The following IQSEC1 variants were observed in gnomAD, a reference collection of about 807,000 sequenced individuals.
The protein encoded by IQSEC1 is IQ motif and Sec7 domain ArfGEF 1.
IQSEC1 carries 31 observed loss-of-function variants against 91.0 expected under a neutral mutation model. The observed-to-expected ratio is 0.34, with a 90% CI of 0.26 to 0.46. The LOEUF is 0.46. Ranked by LOEUF, IQSEC1 falls within the 20% of genes least tolerant of loss-of-function variation. The pLI is 1.00. For synonymous variants in IQSEC1, 699 were observed against 662.6 expected (o/e 1.05, Z -0.84); for missense variants, 1,388 against 1,575.6 (o/e 0.88, Z 2.02).
In IQSEC1 at chr3:13,144,257, C is replaced by G. The variant is rs78293122; in HGVS notation, c.302+19847G>C. ...AGGGAACTAGACCACGGCCGGCGAG[C>G]ATGCAGCTGGACTGCACGCCCGGGC... On this transcript the variant is annotated intron_variant, in intron 2 of 15. Transcript: ENST00000648114. Among the ~76,000 whole-genome samples, 183 of 152,306 alleles carry G rather than the reference C, an allele frequency of 1.2e-3. 4 individuals carry two copies. The East Asian group carries it at 0.032, about 27-fold the overall frequency.
Position 12,924,503 on chromosome 3 carries a change from T to C in IQSEC1, c.1730+78A>G. 1 of 1,446,466 alleles carries C rather than the reference T, an allele frequency of 6.9e-7. No individual in the cohort carries two copies. 89.6% of individuals were successfully genotyped at this position (1,446,466 alleles called of 1,614,324 possible). A position where few individuals can be genotyped will look rare whatever the true frequency, so the allele number is the denominator to read the frequency against. ...AGCAAGTAGGGTGGGCCTGGCCCTG[T>C]GTGTGCCCACGGGTAACACAGGGTG... On this transcript the variant is annotated intron_variant, in intron 4 of 13. Transcript: ENST00000613206. The surrounding 1 kb of genome is among the most constrained non-coding windows in gnomAD (Gnocchi z 6.3).
intron 1 of IQSEC1, among the ~76,000 whole-genome samples, chr3:13,272,188 C>A (rs1365418138): frequency 6.6e-6 from 1 of 152,206 alleles, no homozygotes; most frequent in African/African-American, 2.4e-5. Context: ...ATACCACAAC[C>A]TTCCCAACCA....
rs141282103 is a variant in IQSEC1, at chr3:13,006,610, G to C, written c.24-64745C>G. On this transcript the variant is annotated intron_variant, in intron 1 of 13. Transcript: ENST00000613206. ...CCAAACACACAATCACGTGTTTTAA[G>C]ACACTATGTTCTGTGTAGTTTGTTA... Among the ~76,000 whole-genome samples the C allele has an allele frequency of 4.5e-3, 689 of 152,372 alleles. 2 individuals carry two copies. The highest frequency in any genetic ancestry group is 0.014 in the African/African-American group (574 of 41,582).
intron 2 of IQSEC1, among the ~76,000 whole-genome samples, chr3:12,939,905 G>A (rs1698593726): frequency 6.6e-6 from 1 of 152,194 alleles, no homozygotes; most frequent in South Asian, 2.1e-4. Flanking sequence ...CAGCTCCTGT[G>A]CCACAGTGGA....
intron 1 of IQSEC1, among the ~76,000 whole-genome samples, chr3:12,956,571 A>C (rs1699920865): frequency 6.6e-6 from 1 of 152,204 alleles, no homozygotes; most frequent in Non-Finnish European, 1.5e-5. Flanking sequence ...CTAGGGTTAG[A>C]ATATAATTTT....
chr3:13,039,718 C>T (rs1246931514), intron 1 of IQSEC1, among the ~76,000 whole-genome samples: 6 of 152,202 alleles, frequency 3.9e-5, no homozygotes, highest in African/African-American at 7.2e-5. Flanking sequence ...CCTGCCACAG[C>T]GAGGTCTGAC....
At chr3:13,239,801 C>T (rs1024211439) in intron 1 of IQSEC1, among the ~76,000 whole-genome samples, 1 of 152,208 alleles carries the variant, frequency 6.6e-6, no homozygotes, top group Non-Finnish European at 1.5e-5. Flanking sequence ...GCCTGCAGGA[C>T]CACGTTGCGA....
rs957542214 is a variant in IQSEC1, at chr3:12,935,737, G to A, written c.1279C>T (p.Pro427Ser). 6.2e-7 allele frequency: 1 copy of A among 1,611,014 alleles called. No individual in the cohort carries two copies. The highest frequency in any genetic ancestry group is 1.3e-5 in the African/African-American group (1 of 74,902). Residue 427 changes from proline (P) to serine (S), a missense_variant, in exon 3 of 14, where the codon CCC becomes TCC. Physicochemically the swap from Pro to Ser is moderately conservative, Grantham distance 74. Transcript: ENST00000613206. The surrounding 1 kb of genome is among the most constrained non-coding windows in gnomAD (Gnocchi z 8.0). ...AAGTGGCTGTCCAGGGGCCTGGGGGGCCGGGGCCGCAACTCAGGCTCCTCC... is the reference window on the plus strand; with the variant it reads ...AAGTGGCTGTCCAGGGGCCTGGGGGACCGGGGCCGCAACTCAGGCTCCTCC... ...PREEPELRPR[P>S]PRPLDSHLAI...
chr3:13,010,171 T>C (rs1048131279), intron 1 of IQSEC1, among the ~76,000 whole-genome samples: 2 of 152,174 alleles, frequency 1.3e-5, no homozygotes, highest in Admixed American at 6.5e-5. Flanking sequence ...TAGCAGGTCA[T>C]AGTGGCGGAA....
intron 1 of IQSEC1, among the ~76,000 whole-genome samples, chr3:13,208,801 A>T (rs1694389323): frequency 6.6e-6 from 1 of 151,436 alleles, no homozygotes; most frequent in South Asian, 2.1e-4. Context: ...GCCCGCACTC[A>T]CTCCACCCTG....
rs1693950581 is a variant in IQSEC1, at chr3:12,899,144, CAAT to C, written c.*1836_*1838del. Reference sequence around the variant, plus strand: ...TGCAGATTTGCTGGTACGGTGATCTCAATGATATGACCGAGGGTGGGAGGGATG... The same window carrying C: ...TGCAGATTTGCTGGTACGGTGATCTCGATATGACCGAGGGTGGGAGGGATG... On this transcript the variant is annotated 3_prime_UTR_variant, in exon 14 of 14. Coordinates refer to ENST00000613206, the MANE Select transcript of IQSEC1 (RefSeq NM_001134382.3). The C allele has an allele frequency of 9.0e-6, 5 of 558,248 alleles. No individual in the cohort carries two copies. Among genetic ancestry groups the C allele is most frequent in the South Asian group, 2.3e-5 (1 of 44,090 alleles). The allele number at this position is 558,248 out of a possible 1,614,324, so 34.6% of individuals were successfully genotyped here.
chr3:13,279,839 CACCTTGGGA>C (rs1695756003), intron 1 of IQSEC1, among the ~76,000 whole-genome samples: 1 of 152,190 alleles, frequency 6.6e-6, no homozygotes, highest in Non-Finnish European at 1.5e-5. Flanking sequence ...ATGGCCCTGT[CACCTTGGGA>C]AACCCATGCT....
chr3:13,078,150 T>A (rs1165804765), upstream of IQSEC1, among the ~76,000 whole-genome samples: 3 of 152,082 alleles, frequency 2.0e-5, no homozygotes, highest in Non-Finnish European at 4.4e-5. Flanking sequence ...CTGCTTGAGA[T>A]GCTTCGGCTG....
At chr3:13,019,523 C>T (rs543488977) in intron 1 of IQSEC1, among the ~76,000 whole-genome samples, 2 of 152,258 alleles carry the variant, frequency 1.3e-5, no homozygotes, top group Non-Finnish European at 1.5e-5. Flanking sequence ...GCTTCCCTGG[C>T]AGCCGAGGGG....
intron 1 of IQSEC1, among the ~76,000 whole-genome samples, chr3:13,069,260 G>A (rs1705336521): frequency 6.6e-6 from 1 of 152,162 alleles, no homozygotes; most frequent in Admixed American, 6.5e-5. Flanking sequence ...CATCTCTCTC[G>A]GTGGGCTGGG....
Position 12,900,913 on chromosome 3 carries a change from G to C in IQSEC1, c.*70C>G. On this transcript the variant is annotated 3_prime_UTR_variant, in exon 14 of 14. Transcript: ENST00000613206. ...AGTGCCCCGGGTTTGGTGTGCGGCT[G>C]GCGACCCCCGGGCGTGCCCTGTGTG... is the stretch of plus-strand genomic sequence containing the variant. The C allele has an allele frequency of 4.6e-6, 7 of 1,536,400 alleles. No homozygotes were observed. The highest frequency in any genetic ancestry group is 5.2e-6 in the Non-Finnish European group (6 of 1,146,554).
Position 12,899,821 on chromosome 3 carries a change from G to A in IQSEC1, c.*1162C>T. ...TGAGGGCTTCGGCCTGGTGTGGGTTGGAGGCGGGATGAGGACGTTATGGTG... is the reference window on the plus strand; with the variant it reads ...TGAGGGCTTCGGCCTGGTGTGGGTTAGAGGCGGGATGAGGACGTTATGGTG... On this transcript the variant is annotated 3_prime_UTR_variant, in exon 14 of 14. Coordinates refer to ENST00000613206, the MANE Select transcript of IQSEC1 (RefSeq NM_001134382.3). The A allele has an allele frequency of 4.1e-6, 4 of 985,404 alleles. No individual in the cohort carries two copies. Among genetic ancestry groups the A allele is most frequent in the Non-Finnish European group, 4.8e-6 (4 of 829,940 alleles). The allele number at this position is 985,404 out of a possible 1,614,324, so 61.0% of individuals were successfully genotyped here. A position where few individuals can be genotyped will look rare whatever the true frequency, so the allele number is the denominator to read the frequency against.
intron 2 of IQSEC1, among the ~76,000 whole-genome samples, chr3:13,111,575 G>C (rs1706245146): frequency 6.6e-6 from 1 of 152,188 alleles, no homozygotes; most frequent in Non-Finnish European, 1.5e-5. Flanking sequence ...GAATGTTTGT[G>C]TTCCTTTAGA....
chr3:13,031,557 C>T (rs1226742918), intron 1 of IQSEC1, among the ~76,000 whole-genome samples: 5 of 152,196 alleles, frequency 3.3e-5, no homozygotes, highest in East Asian at 1.9e-4. Flanking sequence ...ACCTTTAGAA[C>T]GGTGATCATC....
Sources: gnomAD v4.1 joint callset for allele counts (sites outside exome capture counted in the v4.1 genomes callset) on GRCh38, gnomAD v4.1.1 for gene constraint, Gnocchi (gnomAD v3.1) non-coding constraint, MANE v1.5 for transcripts, NCBI Gene and HGNC (gene_info 2026-07-23, HGNC 2026-07-21) for gene names.